The following SPMIP7 variants were observed in gnomAD, a reference collection of about 807,000 sequenced individuals.
SPMIP7 encodes sperm microtubule inner protein 7, also known as protein SPMIP7.
At chr7:50,133,332 A>G in the SPMIP7 span, among the ~76,000 whole-genome samples, 1 of 152,234 alleles carries the variant, frequency 6.6e-6, no homozygotes. Flanking sequence ...TGGCTGCATT[A>G]GTGTGGAATA....
the SPMIP7 span, among the ~76,000 whole-genome samples, chr7:50,132,874 A>G: frequency 1.3e-5 from 2 of 152,136 alleles, no homozygotes; most frequent in Non-Finnish European, 2.9e-5. Context: ...GTCCTTTTTC[A>G]TTCTTGTATC....
the SPMIP7 span, chr7:50,140,312 G>A: frequency 2.0e-6 from 1 of 488,968 alleles, no homozygotes; most frequent in Non-Finnish European, 3.5e-6. Context: ...TAATGTTTGT[G>A]TGGCACACAG....
chr7:50,138,140 T>G, the SPMIP7 span, among the ~76,000 whole-genome samples: 1 of 152,192 alleles, frequency 6.6e-6, no homozygotes, highest in Admixed American at 6.5e-5. Context: ...GCTTTTCACA[T>G]TTATTATTTT....
At chr7:50,099,157 T>C in the SPMIP7 span, among the ~76,000 whole-genome samples, 1 of 152,216 alleles carries the variant, frequency 6.6e-6, no homozygotes, top group Non-Finnish European at 1.5e-5. Context: ...ACTCCTGTTG[T>C]AGTATATGTC....
the SPMIP7 span, among the ~76,000 whole-genome samples, chr7:50,102,064 C>T: frequency 1.3e-5 from 2 of 152,210 alleles, no homozygotes; most frequent in South Asian, 2.1e-4. Flanking sequence ...TGGCTCACGC[C>T]TGTAATCCCA....
the SPMIP7 span, among the ~76,000 whole-genome samples, chr7:50,158,528 C>A: frequency 6.7e-6 from 1 of 150,306 alleles, no homozygotes; most frequent in African/African-American, 2.5e-5. Context: ...CCCAGGCCCA[C>A]CCCACCCATG....
chr7:50,134,067 A>C, the SPMIP7 span: 1 of 1,488,410 alleles, frequency 6.7e-7, no homozygotes, highest in Admixed American at 2.4e-5. Context: ...TACCAATTGA[A>C]TATGCTTTTC....
the SPMIP7 span, chr7:50,141,309 G>A: frequency 6.4e-7 from 1 of 1,551,940 alleles, no homozygotes. Context: ...AAATGCTGAT[G>A]ATGTTGACAA....
the SPMIP7 span, among the ~76,000 whole-genome samples, chr7:50,125,264 A>ATATATATACC: frequency 9.1e-5 from 10 of 110,010 alleles, no homozygotes; most frequent in Admixed American, 2.0e-4. Flanking sequence ...ATATATACAC[A>ATATATATACC]CATATATATA....
At chr7:50,116,093 A>G in the SPMIP7 span, among the ~76,000 whole-genome samples, 118,259 of 152,186 alleles carry the variant, frequency 0.78, 46,071 homozygotes, top group East Asian at 0.88. Context: ...TAAATATGCA[A>G]TTAAATTACT....
the SPMIP7 span, among the ~76,000 whole-genome samples, chr7:50,124,087 C>T: frequency 1.3e-5 from 2 of 152,018 alleles, no homozygotes; most frequent in Non-Finnish European, 2.9e-5. Flanking sequence ...GCTGTAGTGG[C>T]TATTTTGAGA....
chr7:50,117,953 G>A, the SPMIP7 span, among the ~76,000 whole-genome samples: 8 of 152,104 alleles, frequency 5.3e-5, no homozygotes, highest in Non-Finnish European at 7.4e-5. Flanking sequence ...TTATCATCAC[G>A]AACTGCCATT....
the SPMIP7 span, among the ~76,000 whole-genome samples, chr7:50,117,832 T>C: frequency 6.6e-6 from 1 of 152,200 alleles, no homozygotes; most frequent in African/African-American, 2.4e-5. Context: ...TTTATACAGA[T>C]AGTTACATGC....
the SPMIP7 span, among the ~76,000 whole-genome samples, chr7:50,112,424 C>T: frequency 6.6e-6 from 1 of 151,906 alleles, no homozygotes; most frequent in Non-Finnish European, 1.5e-5. Flanking sequence ...TTAGCAACAC[C>T]CCTGACCTCA....
At chr7:50,149,202 G>C in the SPMIP7 span, among the ~76,000 whole-genome samples, 4 of 152,092 alleles carry the variant, frequency 2.6e-5, no homozygotes, top group Non-Finnish European at 5.9e-5. Flanking sequence ...AGATGCCTCT[G>C]AGATGTCAGT....
At chr7:50,107,820 G>A in the SPMIP7 span, among the ~76,000 whole-genome samples, 1 of 152,208 alleles carries the variant, frequency 6.6e-6, no homozygotes. Context: ...GACAGCAACA[G>A]AAGCATTCTG....
the SPMIP7 span, chr7:50,134,236 C>A: frequency 6.5e-7 from 1 of 1,541,454 alleles, no homozygotes; most frequent in Non-Finnish European, 8.7e-7. Context: ...GGGGTGCCAG[C>A]AATAACTCAG....
the SPMIP7 span, among the ~76,000 whole-genome samples, chr7:50,145,650 A>T: frequency 8.9e-6 from 1 of 111,922 alleles, no homozygotes; most frequent in Admixed American, 9.3e-5. Flanking sequence ...ATATATATAT[A>T]TATATATATA....
the SPMIP7 span, among the ~76,000 whole-genome samples, chr7:50,145,725 A>G: frequency 6.9e-6 from 1 of 145,362 alleles, no homozygotes; most frequent in Admixed American, 6.9e-5. Context: ...TTGTATTTCC[A>G]AAGAATAAAC....
Sources: gnomAD v4.1 joint callset for allele counts (sites outside exome capture counted in the v4.1 genomes callset) on GRCh38, gnomAD v4.1.1 for gene constraint, MANE v1.5 for transcripts, NCBI Gene and HGNC (gene_info 2026-07-23, HGNC 2026-07-21) for gene names.